TLE1: variants seen among roughly 807,000 people sequenced by gnomAD.
The protein encoded by TLE1 is transducin-like enhancer protein 1.
Under a neutral mutation model 89.8 loss-of-function variants are expected in TLE1, and 21 were observed. The ratio of observed to expected loss-of-function variants is 0.23; its 90% CI spans 0.17 to 0.34. The LOEUF (loss-of-function observed/expected upper bound fraction) is 0.34. TLE1 is among the 10% of genes least tolerant of loss of function. The probability of loss-of-function intolerance (pLI) is 1.00; values close to 1 mark genes in which losing one functional copy is unlikely to be tolerated. For synonymous variants in TLE1, 447 were observed against 407.6 expected (o/e 1.10, Z -1.16); for missense variants, 795 against 1,031.2 (o/e 0.77, Z 3.14).
chr9:81,593,001 G>T (rs1448674542), intron 15 of TLE1, 24 bp downstream of exon 15: 1 of 1,598,916 alleles, frequency 6.3e-7, no homozygotes, highest in Non-Finnish European at 8.6e-7. Flanking sequence ...AATTGCCCTT[G>T]TGCACCAGTT....
chr9:81,681,106 T>G (rs1330544628), intron 4 of TLE1, among the ~76,000 whole-genome samples: 2 of 152,170 alleles, frequency 1.3e-5, no homozygotes, highest in Non-Finnish European at 2.9e-5. Context: ...ATCAAAACTG[T>G]AAAAGCAGTT....
chr9:81,638,378 T>G (rs1051424812), intron 6 of TLE1, among the ~76,000 whole-genome samples: 2 of 152,206 alleles, frequency 1.3e-5, no homozygotes, highest in African/African-American at 4.8e-5. Context: ...AACATATTTA[T>G]TTAAATGAGT....
intron 4 of TLE1, among the ~76,000 whole-genome samples, chr9:81,677,292 G>A (rs565076474): frequency 5.2e-4 from 79 of 150,526 alleles, no homozygotes; most frequent in Middle Eastern, 7.1e-3. Flanking sequence ...CAGGCCGGGC[G>A]CAGTGGCTCA....
chr9:81,678,782 G>A (rs1208783910), intron 4 of TLE1, among the ~76,000 whole-genome samples: 1 of 151,840 alleles, frequency 6.6e-6, no homozygotes, highest in Non-Finnish European at 1.5e-5. Flanking sequence ...AGAGGTTGCA[G>A]TGAGCCGAGA....
At chr9:81,587,277 G>A (rs1446821806) in intron 17 of TLE1, among the ~76,000 whole-genome samples, 4 of 152,118 alleles carry the variant, frequency 2.6e-5, no homozygotes, top group Non-Finnish European at 5.9e-5. Flanking sequence ...TACTCTTAGT[G>A]ACATTCTGCA....
chr9:81,601,334 C>T (rs1830899286), intron 14 of TLE1, among the ~76,000 whole-genome samples: 1 of 152,144 alleles, frequency 6.6e-6, no homozygotes, highest in Non-Finnish European at 1.5e-5. Flanking sequence ...TTACCCCAAA[C>T]GTAGTTAAGA....
chr9:81,645,962 C>A (rs570170304), intron 6 of TLE1, among the ~76,000 whole-genome samples: 3 of 152,148 alleles, frequency 2.0e-5, no homozygotes, highest in African/African-American at 7.2e-5. Flanking sequence ...AAGCTTTTTT[C>A]TCCTTCTGGA....
chr9:81,660,979 A>ACACACACACAC (rs997585124), intron 4 of TLE1, among the ~76,000 whole-genome samples: 1 of 59,564 alleles, frequency 1.7e-5, no homozygotes, highest in African/African-American at 5.2e-5. Context: ...ACACACACAC[A>ACACACACACAC]TTTAGCCTGG....
At chr9:81,631,829 A>G (rs188588873) in intron 8 of TLE1, among the ~76,000 whole-genome samples, 9 of 152,358 alleles carry the variant, frequency 5.9e-5, no homozygotes, top group Non-Finnish European at 7.3e-5. Flanking sequence ...CTCACCGGGC[A>G]TGGTGGCTCA....
intron 4 of TLE1, among the ~76,000 whole-genome samples, chr9:81,679,784 A>C (rs901063004): frequency 1.3e-5 from 2 of 152,200 alleles, no homozygotes; most frequent in African/African-American, 4.8e-5. Context: ...AGAGGGTAGG[A>C]AACGAAATCA....
intron 8 of TLE1, among the ~76,000 whole-genome samples, chr9:81,632,453 C>T (rs928735803): frequency 6.8e-6 from 1 of 147,352 alleles, no homozygotes; most frequent in Non-Finnish European, 1.5e-5. Context: ...AAAAAGTTAT[C>T]AGATTTAAAT....
At chr9:81,654,991 A>T (rs1401518090) in intron 4 of TLE1, among the ~76,000 whole-genome samples, 1 of 152,194 alleles carries the variant, frequency 6.6e-6, no homozygotes, top group Non-Finnish European at 1.5e-5. Context: ...AACAAACTCA[A>T]AGACCTCACC....
chr9:81,646,791 A>G (rs1197296230), intron 6 of TLE1, among the ~76,000 whole-genome samples: 2 of 152,210 alleles, frequency 1.3e-5, no homozygotes, highest in Admixed American at 6.5e-5. Flanking sequence ...CCCCTACACA[A>G]AAACATCTAG....
Position 81,677,345 on chromosome 9 carries a change from C to G in TLE1, c.234+8331G>C, listed in dbSNP as rs1833020935. Among the ~76,000 whole-genome samples the G allele has an allele frequency of 2.6e-5, 4 of 151,970 alleles. No individual in the cohort carries two copies. The South Asian group carries it at 8.3e-4, about 32-fold the overall frequency. ...CTTTGGGAGGCTGAGGTGGGCAGAT[C>G]ATGAGGTCAGGAGATCGAGACCATC... On this transcript the variant is annotated intron_variant, in intron 4 of 19. Transcript: ENST00000376499.
intron 14 of TLE1, among the ~76,000 whole-genome samples, chr9:81,606,408 T>G (rs1030847646): frequency 6.6e-6 from 1 of 152,168 alleles, no homozygotes; most frequent in Non-Finnish European, 1.5e-5. Flanking sequence ...TAAGAAAATG[T>G]GGCACATACA....
intron 14 of TLE1, among the ~76,000 whole-genome samples, chr9:81,599,111 A>C (rs755914825): frequency 2.1e-4 from 32 of 152,358 alleles, no homozygotes; most frequent in Non-Finnish European, 4.1e-4. Flanking sequence ...ATGAAGCCAC[A>C]TGGGAAAGTA....
chr9:81,638,612 T>C (rs963970572), intron 6 of TLE1, among the ~76,000 whole-genome samples: 2 of 152,090 alleles, frequency 1.3e-5, no homozygotes, highest in Non-Finnish European at 2.9e-5. Context: ...GCTCTGCCAA[T>C]CAGGAGAATT....
chr9:81,668,466 T>C (rs1831788934), intron 4 of TLE1, among the ~76,000 whole-genome samples: 1 of 152,138 alleles, frequency 6.6e-6, no homozygotes, highest in Non-Finnish European at 1.5e-5. Context: ...GACTCACCCA[T>C]GCATGTGGAG....
chr9:81,589,323 T>C lies in TLE1; in HGVS notation c.1829+1482A>G, dbSNP rs566320511. On this transcript the variant is annotated intron_variant, in intron 16 of 19. Transcript: ENST00000376499. The stretch of plus-strand genomic sequence containing the variant: ...CCCCCATCCCTCTGCCCTCTCTCCG[T>C]CCATATACTATACTCCAGCATTACT... 2.4e-3 allele frequency among the ~76,000 whole-genome samples: 366 copies of C among 152,276 alleles called. 1 individual carries two copies. Among genetic ancestry groups the C allele is most frequent in the African/African-American group, 8.1e-3 (337 of 41,570 alleles).
Sources: gnomAD v4.1 joint callset for allele counts (sites outside exome capture counted in the v4.1 genomes callset) on GRCh38, gnomAD v4.1.1 for gene constraint, MANE v1.5 for transcripts, NCBI Gene and HGNC (gene_info 2026-07-23, HGNC 2026-07-21) for gene names.